Variants in GALNT18 observed in about 807,000 individuals in gnomAD.
GALNT18 encodes GalNAc-transferase 18.
A neutral mutation model predicts 69.5 loss-of-function variants in GALNT18; 44 were observed. The ratio of observed to expected loss-of-function variants is 0.63; its 90% CI spans 0.50 to 0.81. The LOEUF is 0.81. GALNT18 is among the 40% of genes least tolerant of loss of function. GALNT18 has a pLI of 0.00. For synonymous variants in GALNT18, 364 were observed against 318.2 expected (o/e 1.14, Z -1.53); for missense variants, 715 against 810.0 (o/e 0.88, Z 1.42).
intron 2 of GALNT18, among the ~76,000 whole-genome samples, chr11:11,441,969 T>C (rs1040975221): frequency 2.0e-5 from 3 of 152,232 alleles, no homozygotes; most frequent in African/African-American, 7.2e-5. Context: ...TTCCTAATAC[T>C]AATATTGTCA....
At chr11:11,277,403 T>C (rs927878870) in intron 10 of GALNT18, among the ~76,000 whole-genome samples, 11 of 152,090 alleles carry the variant, frequency 7.2e-5, no homozygotes, top group African/African-American at 2.7e-4. Context: ...TCTCTTTTTT[T>C]TGTTAGTCTG....
chr11:11,579,353 G>A (rs564466625), intron 1 of GALNT18, among the ~76,000 whole-genome samples: 5 of 152,312 alleles, frequency 3.3e-5, no homozygotes, highest in African/African-American at 9.6e-5. Context: ...CAGGCTACTC[G>A]GCTGGGCTAT....
In GALNT18 at chr11:11,413,085, C is replaced by T. The variant is rs541038259; in HGVS notation, c.595+19536G>A. ...CAGCTCTTATTGGTGGTCTCCCTTC[C>T]TTGTCTTATCTCCCTACCCCACTGG... On this transcript the variant is annotated intron_variant, in intron 3 of 10. Coordinates refer to ENST00000227756, the MANE Select transcript of GALNT18 (RefSeq NM_198516.3). This position sits in a 1 kb window ranked among gnomAD's most constrained non-coding sequence, Gnocchi z 4.7. Among the ~76,000 whole-genome samples the T allele has an allele frequency of 6.6e-6, 1 of 152,216 alleles. No homozygotes were observed. The highest frequency in any genetic ancestry group is 1.9e-4 in the East Asian group (1 of 5,192).
In GALNT18 at chr11:11,298,090, G is replaced by C. The variant is rs115243282; in HGVS notation, c.1513-4897C>G. On this transcript the variant is annotated intron_variant, in intron 9 of 10. Coordinates refer to ENST00000227756, the MANE Select transcript of GALNT18 (RefSeq NM_198516.3). ...TCGAGGCTGGGTAACGTCCCCCAGG[G>C]CCGGAGGTTCTCCTGACTCTGTCCC... Among the ~76,000 whole-genome samples the C allele has an allele frequency of 2.5e-3, 385 of 152,270 alleles. 1 individual carries two copies. Among genetic ancestry groups the C allele is most frequent in the African/African-American group, 8.6e-3 (359 of 41,560 alleles).
intron 7 of GALNT18, among the ~76,000 whole-genome samples, chr11:11,333,961 C>T (rs1470348825): frequency 6.6e-6 from 1 of 151,878 alleles, no homozygotes; most frequent in Admixed American, 6.6e-5. Flanking sequence ...CAGAGGATGA[C>T]ACCATGGCAG....
rs114421426 is a variant in GALNT18, at chr11:11,556,640, G to A, written c.235+64719C>T. Among the ~76,000 whole-genome samples the A allele has an allele frequency of 1.6e-3, 241 of 152,348 alleles. 1 individual carries two copies. Among genetic ancestry groups the A allele is most frequent in the Middle Eastern group, 6.8e-3 (2 of 294 alleles). ...ATGCAACTGCAAACCAAACTTGCAT[G>A]ATGCCAGCTGCTGGCTAAAATTCTG... On this transcript the variant is annotated intron_variant, in intron 1 of 10. Transcript: ENST00000227756.
chr11:11,288,557 T>C (rs1452801582), intron 10 of GALNT18, among the ~76,000 whole-genome samples: 1 of 152,158 alleles, frequency 6.6e-6, no homozygotes, highest in African/African-American at 2.4e-5. Flanking sequence ...CTGTGTCTGA[T>C]TTATATCTGC....
intron 2 of GALNT18, 97 bp downstream of exon 2, chr11:11,448,647 G>T: frequency 9.9e-7 from 1 of 1,011,986 alleles, no homozygotes; most frequent in Non-Finnish European, 1.4e-6. Flanking sequence ...AGGGACCCAA[G>T]AATCCAGGCG....
chr11:11,273,450 C>T (rs531759002), intron 10 of GALNT18, among the ~76,000 whole-genome samples: 2 of 152,194 alleles, frequency 1.3e-5, no homozygotes, highest in East Asian at 3.9e-4. Flanking sequence ...GAAAAATGCT[C>T]AACATCAGTA....
At chr11:11,452,404 G>A (rs1855821772) in intron 1 of GALNT18, among the ~76,000 whole-genome samples, 1 of 152,252 alleles carries the variant, frequency 6.6e-6, no homozygotes, top group Non-Finnish European at 1.5e-5. Context: ...CACGGTGCCT[G>A]GCACATAGTA....
rs766330240 is a variant in GALNT18 at position 11,379,163 on chromosome 11, G to A, written c.697C>T (p.Arg233Cys). 15 of 1,612,132 alleles carry A rather than the reference G, an allele frequency of 9.3e-6. No homozygotes were observed. Among genetic ancestry groups the A allele is most frequent in the East Asian group, 2.2e-5 (1 of 44,860 alleles). The change falls in exon 4 of 11, where the codon CGC becomes TGC. Residue 233 changes from arginine to cysteine, a missense_variant. Coordinates refer to ENST00000227756, the MANE Select transcript of GALNT18 (RefSeq NM_198516.3). Reference protein sequence around the residue: ...VRHSKQEGLIRSRVSGWRAAT... With the variant: ...VRHSKQEGLICSRVSGWRAAT... ...GCCCTCCAGCCACTGACCCTGGAGCGGATGAGGCCTTCCTGCTTGCTGTGA... is the reference window on the plus strand; with the variant it reads ...GCCCTCCAGCCACTGACCCTGGAGCAGATGAGGCCTTCCTGCTTGCTGTGA...
intron 6 of GALNT18, among the ~76,000 whole-genome samples, chr11:11,349,010 C>A (rs1178791760): frequency 3.3e-5 from 5 of 149,638 alleles, no homozygotes; most frequent in Admixed American, 6.6e-5. Context: ...CCAGAGGTAA[C>A]CCATTATCCT....
intron 1 of GALNT18, among the ~76,000 whole-genome samples, chr11:11,572,316 G>A (rs917635764): frequency 1.3e-5 from 2 of 152,192 alleles, no homozygotes; most frequent in Admixed American, 6.5e-5. Flanking sequence ...AGGGATCAAG[G>A]GAGGTGGTAT....
At chr11:11,442,703 G>A (rs1309908418) in intron 2 of GALNT18, among the ~76,000 whole-genome samples, 3 of 152,184 alleles carry the variant, frequency 2.0e-5, no homozygotes, top group African/African-American at 7.2e-5. Context: ...TTGTGAGCCT[G>A]TGTGTGGATC....
intron 9 of GALNT18, among the ~76,000 whole-genome samples, chr11:11,304,588 G>A (rs1267466039): frequency 6.8e-6 from 1 of 147,714 alleles, no homozygotes; most frequent in East Asian, 2.1e-4. Flanking sequence ...TGCCTACTCT[G>A]CATCAGCTTG....
At chr11:11,607,123 T>C (rs1421224991) in intron 1 of GALNT18, among the ~76,000 whole-genome samples, 1 of 152,236 alleles carries the variant, frequency 6.6e-6, no homozygotes, top group Non-Finnish European at 1.5e-5. Context: ...AAAGAAGACA[T>C]TTAATTTTCT....
intron 9 of GALNT18, among the ~76,000 whole-genome samples, chr11:11,326,011 A>G (rs1849910743): frequency 1.3e-5 from 2 of 150,858 alleles, no homozygotes; most frequent in Admixed American, 1.3e-4. Flanking sequence ...TTGTAATTGC[A>G]CACATAGGCA....
intron 1 of GALNT18, among the ~76,000 whole-genome samples, chr11:11,512,016 C>A (rs1564986728): frequency 6.6e-6 from 1 of 152,204 alleles, no homozygotes. Context: ...TATATACACA[C>A]ATACATATGT....
At chr11:11,476,561 TGGAC>T (rs1856403184) in intron 1 of GALNT18, 1 of 152,224 alleles carries the variant, frequency 6.6e-6, no homozygotes, top group South Asian at 2.1e-4. Context: ...TGTTCTGCTA[TGGAC>T]AGCTCCGGTG....
Sources: allele counts gnomAD v4.1 joint callset (sites outside exome capture counted in the v4.1 genomes callset), GRCh38; gene constraint gnomAD v4.1.1; non-coding constraint Gnocchi (gnomAD v3.1); transcripts MANE v1.5; gene names NCBI Gene and HGNC (gene_info 2026-07-23, HGNC 2026-07-21).